DOCK1: variants seen among roughly 807,000 people sequenced by gnomAD.
DOCK1 encodes dedicator of cytokinesis protein 1.
Under a neutral mutation model 262.7 loss-of-function variants are expected in DOCK1, and 138 were observed. The ratio of observed to expected loss-of-function variants is 0.53; its 90% CI spans 0.46 to 0.61. DOCK1 has a LOEUF of 0.61. Among genes scored for constraint, DOCK1 ranks in the 20% least tolerant of loss-of-function variants. DOCK1 has a pLI of 0.00. For synonymous variants in DOCK1, 866 were observed against 867.4 expected, an observed-to-expected ratio of 1.00 and a Z score of 0.03; for missense variants, 1,908 against 2,370.7, an observed-to-expected ratio of 0.80 and a Z score of 4.05.
chr10:126,948,081 GAT>G lies in DOCK1; in HGVS notation c.47-22620_47-22619del, dbSNP rs1194536736. Among the ~76,000 whole-genome samples the G allele has an allele frequency of 1.1e-3, 153 of 138,002 alleles. 4 individuals carry two copies. The highest frequency in any genetic ancestry group is 1.3e-3 in the Admixed American group (18 of 14,122). 90.5% of individuals were successfully genotyped at this position (138,002 alleles called of 152,430 possible). On this transcript the variant is annotated intron_variant, in intron 1 of 51. Transcript: ENST00000623213. ...GGTTGGTAGTATTACTGTTGGTGGT[GAT>G]GGTGGTGGTTGGTAGTATTACTGTT...
chr10:127,357,198 G>A (rs1289005708), intron 32 of DOCK1, among the ~76,000 whole-genome samples: 1 of 152,200 alleles, frequency 6.6e-6, no homozygotes, highest in Non-Finnish European at 1.5e-5. Context: ...CTGGCCAGAG[G>A]TCACCCTGAC....
intron 23 of DOCK1, among the ~76,000 whole-genome samples, chr10:127,078,786 C>G (rs1211677033): frequency 2.0e-5 from 3 of 152,278 alleles, no homozygotes; most frequent in African/African-American, 4.8e-5. Context: ...TTACAGCAAC[C>G]TGGATGGAGT....
intron 40 of DOCK1, among the ~76,000 whole-genome samples, chr10:127,407,040 G>A (rs1466649428): frequency 1.3e-5 from 2 of 151,834 alleles, no homozygotes; most frequent in Non-Finnish European, 2.9e-5. Flanking sequence ...CGGGGGGGCG[G>A]TGGGGAGAAA....
chr10:126,976,354 A>AT (rs1342741944), intron 2 of DOCK1, among the ~76,000 whole-genome samples: 1 of 152,224 alleles, frequency 6.6e-6, no homozygotes, highest in African/African-American at 2.4e-5. Flanking sequence ...TCAGTTCATC[A>AT]TAACTGGGTC....
In DOCK1 at chr10:127,093,202, C is replaced by CTTTCTTTCTTTCTTTCTTTG. The variant is rs1554883887; in HGVS notation, c.2446-13010_2446-13009insGTTTCTTTCTTTCTTTCTTT. Among the ~76,000 whole-genome samples the CTTTCTTTCTTTCTTTCTTTG allele has an allele frequency of 8.3e-3, 1,079 of 129,616 alleles. 34 individuals are homozygous for CTTTCTTTCTTTCTTTCTTTG. Among genetic ancestry groups the CTTTCTTTCTTTCTTTCTTTG allele is most frequent in the Admixed American group, 0.012 (163 of 13,190 alleles). The allele number at this position is 129,616 out of a possible 152,430, so 85.0% of individuals were successfully genotyped here. ...GCATCTGAATCTCCCTCTCCTTTTT[C>CTTTCTTTCTTTCTTTCTTTG]TTTCTTTCTTTCTTTCTTTTCTTTC... On this transcript the variant is annotated intron_variant, in intron 23 of 51. Transcript: ENST00000623213.
intron 29 of DOCK1, among the ~76,000 whole-genome samples, chr10:127,311,073 C>A (rs1162799039): frequency 6.6e-6 from 1 of 152,124 alleles, no homozygotes; most frequent in Non-Finnish European, 1.5e-5. Context: ...GCTGTCTGCC[C>A]CAGTGCTTCC....
At chr10:127,079,643 A>G (rs542423217) in intron 23 of DOCK1, among the ~76,000 whole-genome samples, 40 of 152,334 alleles carry the variant, frequency 2.6e-4, no homozygotes, top group African/African-American at 9.1e-4. Context: ...GTAAAAGTCT[A>G]TTCCTGGCAG....
chr10:127,117,282 G>A (rs1472994157), intron 25 of DOCK1, among the ~76,000 whole-genome samples: 1 of 152,208 alleles, frequency 6.6e-6, no homozygotes, highest in Non-Finnish European at 1.5e-5. Flanking sequence ...TCAATGCTCA[G>A]ATAAGGACAC....
In DOCK1 at chr10:127,433,444, A is replaced by C. The variant is rs575659195; in HGVS notation, c.5060+16A>C. 8.7e-6 allele frequency: 14 copies of C among 1,613,422 alleles called. No homozygotes were observed. In the Admixed American group the frequency reaches 2.3e-4, roughly 27 times the overall value. On this transcript the variant is annotated intron_variant, in intron 48 of 51. Coordinates refer to ENST00000623213, the MANE Select transcript of DOCK1 (RefSeq NM_001290223.2). ...GCTCCGACGGGTGAGTCAAGCTCAC[A>C]GCAGGGCTGAGCTGAGCAGTGAGGG...
intron 40 of DOCK1, 63 bp downstream of exon 40, chr10:127,404,492 G>C: frequency 6.7e-7 from 1 of 1,489,988 alleles, no homozygotes; most frequent in Non-Finnish European, 9.2e-7. Context: ...TCCCCTTCCC[G>C]TTCTGAGGAA....
At chr10:127,235,016 A>G (rs2058996232) in intron 27 of DOCK1, among the ~76,000 whole-genome samples, 1 of 148,598 alleles carries the variant, frequency 6.7e-6, no homozygotes, top group South Asian at 2.1e-4. Context: ...ATATAAGTAT[A>G]TATACTGTAT....
intron 1 of DOCK1, among the ~76,000 whole-genome samples, chr10:126,921,299 C>T (rs1487877052): frequency 1.3e-5 from 2 of 151,730 alleles, no homozygotes; most frequent in African/African-American, 4.8e-5. Context: ...TTCAAATGTC[C>T]ATCATTGGAT....
At chr10:127,424,398 C>A (rs1228707166) in intron 46 of DOCK1, among the ~76,000 whole-genome samples, 2 of 152,200 alleles carry the variant, frequency 1.3e-5, no homozygotes, top group African/African-American at 4.8e-5. Context: ...CCACCATCAA[C>A]ACCAACAACA....
chr10:127,003,963 C>G (rs929393182), intron 10 of DOCK1, among the ~76,000 whole-genome samples: 3 of 150,936 alleles, frequency 2.0e-5, no homozygotes, highest in South Asian at 2.1e-4. Context: ...CCCCTCCCCC[C>G]CAAAAAAAAG....
intron 27 of DOCK1, among the ~76,000 whole-genome samples, chr10:127,205,330 A>ATGAAGGAGTG (rs1284081006): frequency 6.6e-6 from 1 of 152,146 alleles, no homozygotes; most frequent in East Asian, 1.9e-4. Context: ...TCCAGCGTGG[A>ATGAAGGAGTG]TGAAGGAGTG....
chr10:127,418,829 A>G (rs77123540), intron 45 of DOCK1, among the ~76,000 whole-genome samples: 440 of 152,320 alleles, frequency 2.9e-3, no homozygotes, highest in African/African-American at 9.3e-3. Flanking sequence ...TGGCTTTTAC[A>G]AGGTCTGGGA....
intron 16 of DOCK1, among the ~76,000 whole-genome samples, chr10:127,031,016 A>G (rs149820054): frequency 6.6e-6 from 1 of 152,242 alleles, no homozygotes; most frequent in Non-Finnish European, 1.5e-5. Context: ...AGTGAGCCCC[A>G]CATGCAGATA....
At chr10:126,967,842 C>T (rs1483804470) in intron 1 of DOCK1, among the ~76,000 whole-genome samples, 9 of 152,166 alleles carry the variant, frequency 5.9e-5, no homozygotes, top group Admixed American at 5.2e-4. Context: ...GAGACGGAGT[C>T]TCGCTCTGTT....
chr10:127,358,408 AAAG>A, intron 32 of DOCK1, among the ~76,000 whole-genome samples: 1 of 152,336 alleles, frequency 6.6e-6, no homozygotes, highest in South Asian at 2.1e-4. Flanking sequence ...TCAAAAGAAA[AAAG>A]GGGGGAAAAT....
Sources: allele counts gnomAD v4.1 joint callset (sites outside exome capture counted in the v4.1 genomes callset), GRCh38; gene constraint gnomAD v4.1.1; transcripts MANE v1.5; gene names NCBI Gene and HGNC (gene_info 2026-07-23, HGNC 2026-07-21).